TSC22D3: variants seen among roughly 807,000 people sequenced by gnomAD.
The protein encoded by TSC22D3 is TSC22 domain family member 3.
TSC22D3 carries 4 observed loss-of-function variants against 11.1 expected under a neutral mutation model. That is an observed-to-expected ratio of 0.36 (90% CI 0.18 to 0.83). TSC22D3 has a LOEUF of 0.83. TSC22D3 is among the 40% of genes least tolerant of loss of function. The probability of loss-of-function intolerance (pLI) is 0.48; values close to 1 mark genes in which losing one functional copy is unlikely to be tolerated. For synonymous variants in TSC22D3, 77 were observed against 70.3 expected, an observed-to-expected ratio of 1.10 and a Z score of -0.48; for missense variants, 118 against 159.4, an observed-to-expected ratio of 0.74 and a Z score of 1.40.
chrX:107,713,520 C>T lies in TSC22D3; in HGVS notation c.*999G>A, dbSNP rs1926839299. The T allele has an allele frequency of 8.9e-6, 1 of 112,500 alleles. No homozygotes were observed. The highest frequency in any genetic ancestry group is 3.3e-5 in the African/African-American group (1 of 30,757). 9.3% of individuals were successfully genotyped at this position (112,500 alleles called of 1,213,427 possible). On this transcript the variant is annotated 3_prime_UTR_variant, in exon 3 of 3. Coordinates refer to ENST00000372383, the MANE Select transcript of TSC22D3 (RefSeq NM_198057.3). ...CGTTTTCAAATGACACTGTGAAGCC[C>T]AAACTGATCTTCTCTCAACCCCATT...
intron 1 of TSC22D3, among the ~76,000 whole-genome samples, chrX:107,732,106 G>A (rs1002326865): frequency 9.0e-6 from 1 of 110,815 alleles, no homozygotes; most frequent in Admixed American, 9.5e-5. Context: ...TTGGCTCCAG[G>A]CCAGCTCCCT....
intron 1 of TSC22D3, among the ~76,000 whole-genome samples, chrX:107,719,465 T>C (rs1338577926): frequency 8.9e-6 from 1 of 112,456 alleles, no homozygotes; most frequent in East Asian, 2.8e-4. Flanking sequence ...GCAGACACTG[T>C]GCTGGCTGCA....
At chrX:107,760,882 G>C (rs886860972) in intron 1 of TSC22D3, among the ~76,000 whole-genome samples, 1 of 112,299 alleles carries the variant, frequency 8.9e-6, no homozygotes, top group Non-Finnish European at 1.9e-5. Flanking sequence ...TTGACAGGGA[G>C]AAAGCTTGCC....
In TSC22D3 at chrX:107,741,510, T is replaced by C. The variant is rs188517633; in HGVS notation, c.321-25560A>G. ...TGGATGGCAAAGTTGCTGAGGTTGC[T>C]GGAAAACACCCTGTTGCCGCCAACA... On this transcript the variant is annotated intron_variant, in intron 1 of 2. Coordinates refer to ENST00000372383, the MANE Select transcript of TSC22D3 (RefSeq NM_198057.3). Among the ~76,000 whole-genome samples the C allele has an allele frequency of 8.9e-4, 101 of 112,999 alleles. 3 individuals are homozygous for C. In the East Asian group the frequency reaches 0.019, roughly 22 times the overall value.
In TSC22D3 at chrX:107,774,841, G is replaced by T. The variant is rs766292788; in HGVS notation, c.320+259C>A. 2.7e-5 allele frequency: 11 copies of T among 408,964 alleles called. No individual in the cohort carries two copies. The African/African-American group carries it at 2.7e-4, about 10-fold the overall frequency. 33.7% of individuals were successfully genotyped at this position (408,964 alleles called of 1,213,427 possible). A position where few individuals can be genotyped will look rare whatever the true frequency, so the allele number is the denominator to read the frequency against. On this transcript the variant is annotated intron_variant, in intron 1 of 2. Coordinates refer to ENST00000372383, the MANE Select transcript of TSC22D3 (RefSeq NM_198057.3). ...TTCAGCTACCTCCAAACCATCTGGG[G>T]TCTGCCCACCTTCTAGGCCCCAGCG...
chrX:107,754,963 C>T (rs1229870377), intron 1 of TSC22D3, among the ~76,000 whole-genome samples: 5 of 111,939 alleles, frequency 4.5e-5, no homozygotes, highest in Non-Finnish European at 1.9e-5. Context: ...TCCTAACCTG[C>T]TATCTTGCAA....
At chrX:107,759,907 G>GGGA (rs1167373645) in intron 1 of TSC22D3, among the ~76,000 whole-genome samples, 2 of 112,437 alleles carry the variant, frequency 1.8e-5, no homozygotes, top group Admixed American at 1.9e-4. Context: ...CTGTGGGGGC[G>GGGA]GGAGGAAATT....
intron 1 of TSC22D3, chrX:107,717,102 C>A (rs764140566): frequency 1.1e-6 from 1 of 900,645 alleles, no homozygotes; most frequent in South Asian, 3.5e-5. Context: ...TAGGAGGAGC[C>A]GGCTGCGTCA....
At chrX:107,733,269 C>T (rs988129710) in intron 1 of TSC22D3, among the ~76,000 whole-genome samples, 2 of 112,304 alleles carry the variant, frequency 1.8e-5, no homozygotes, top group Admixed American at 1.9e-4. Flanking sequence ...CACAAGTGCA[C>T]AGGCATGCAT....
chrX:107,725,005 G>T (rs1287895689), intron 1 of TSC22D3, among the ~76,000 whole-genome samples: 1 of 111,082 alleles, frequency 9.0e-6, no homozygotes, highest in Non-Finnish European at 1.9e-5. Flanking sequence ...TGATCTGAAG[G>T]GTGGTGAGAA....
chrX:107,757,725 C>T (rs936569691), intron 1 of TSC22D3, among the ~76,000 whole-genome samples: 21 of 110,233 alleles, frequency 1.9e-4, no homozygotes, highest in African/African-American at 6.6e-4. Context: ...TTTCCCCTCC[C>T]GTTCCCACAG....
intron 1 of TSC22D3, chrX:107,717,085 C>G (rs1927088767): frequency 3.2e-6 from 3 of 935,577 alleles, no homozygotes; most frequent in Non-Finnish European, 1.3e-6. Context: ...GCTCCTGCTT[C>G]TTTATATAGG....
At chrX:107,744,300 A>G (rs1928556193) in intron 1 of TSC22D3, among the ~76,000 whole-genome samples, 1 of 110,596 alleles carries the variant, frequency 9.0e-6, no homozygotes, top group South Asian at 3.9e-4. Context: ...TGACCTGGAT[A>G]TCTGGGAGAA....
chrX:107,736,702 C>T (rs767212829), intron 1 of TSC22D3, among the ~76,000 whole-genome samples: 1 of 110,958 alleles, frequency 9.0e-6, no homozygotes, highest in African/African-American at 3.3e-5. Context: ...TTTTTATGGC[C>T]GTTCTTGCTT....
At chrX:107,762,325 A>T (rs1407650008) in intron 1 of TSC22D3, among the ~76,000 whole-genome samples, 1 of 111,704 alleles carries the variant, frequency 9.0e-6, no homozygotes, top group Non-Finnish European at 1.9e-5. Flanking sequence ...AGGATGATAG[A>T]AGGGGCCCTA....
intron 1 of TSC22D3, among the ~76,000 whole-genome samples, chrX:107,742,087 C>T (rs957382531): frequency 9.1e-6 from 1 of 110,291 alleles, no homozygotes; most frequent in Non-Finnish European, 1.9e-5. Context: ...CCCTCCCCTC[C>T]CAAGGAACCT....
chrX:107,752,122 G>A (rs963521025), intron 1 of TSC22D3, among the ~76,000 whole-genome samples: 6 of 112,101 alleles, frequency 5.4e-5, no homozygotes, highest in Admixed American at 3.8e-4. Flanking sequence ...GCAGCGGCGG[G>A]GGGTAGCATG....
intron 1 of TSC22D3, among the ~76,000 whole-genome samples, chrX:107,773,518 T>G (rs956329910): frequency 9.8e-5 from 11 of 112,521 alleles, no homozygotes; most frequent in Non-Finnish European, 1.5e-4. Flanking sequence ...CTGAATACAC[T>G]TGTAGTAATC....
At chrX:107,746,869 G>A (rs1928689483) in intron 1 of TSC22D3, among the ~76,000 whole-genome samples, 1 of 112,329 alleles carries the variant, frequency 8.9e-6, no homozygotes, top group Non-Finnish European at 1.9e-5. Flanking sequence ...TGGACAGCTA[G>A]GTGAACTGGA....
Sources: allele counts gnomAD v4.1 joint callset (sites outside exome capture counted in the v4.1 genomes callset), GRCh38; gene constraint gnomAD v4.1.1; transcripts MANE v1.5; gene names NCBI Gene and HGNC (gene_info 2026-07-23, HGNC 2026-07-21).